NR6A1: variants seen among roughly 807,000 people sequenced by gnomAD.
The protein encoded by NR6A1 is retinoic acid receptor-related testis-associated receptor.
NR6A1 carries 7 observed loss-of-function variants against 59.1 expected under a neutral mutation model. That is an observed-to-expected ratio of 0.12 (90% CI 0.07 to 0.22). NR6A1 has a LOEUF of 0.22. NR6A1 is among the 10% of genes least tolerant of loss of function. NR6A1 has a pLI of 1.00. For missense variants in NR6A1, 468 were observed against 611.6 expected (o/e 0.77, Z 2.48); for synonymous variants, 243 against 236.1 (o/e 1.03, Z -0.27).
At chr9:124,683,526 G>T (rs1427270298) in intron 2 of NR6A1, among the ~76,000 whole-genome samples, 1 of 152,216 alleles carries the variant, frequency 6.6e-6, no homozygotes, top group Non-Finnish European at 1.5e-5. Flanking sequence ...GGGTGTGGTG[G>T]CTCATGCCTG....
At position 124,600,662 on chromosome 9, in the gene NR6A1, A is replaced by G. The variant is rs569398829; in HGVS notation, c.143-46092T>C. Among the ~76,000 whole-genome samples the G allele has an allele frequency of 6.0e-4, 91 of 152,258 alleles. 1 individual carries two copies. In the South Asian group the frequency reaches 0.018, roughly 31 times the overall value. ...TTCTCACCACTCCATACTAACTCACAAGCAGTGCACATACACTAAACAGAT... is the reference window on the plus strand; with the variant it reads ...TTCTCACCACTCCATACTAACTCACGAGCAGTGCACATACACTAAACAGAT... On this transcript the variant is annotated intron_variant, in intron 2 of 9. Coordinates refer to ENST00000487099, the MANE Select transcript of NR6A1 (RefSeq NM_033334.4).
intron 2 of NR6A1, among the ~76,000 whole-genome samples, chr9:124,727,464 A>G (rs1839755031): frequency 6.6e-6 from 1 of 152,226 alleles, no homozygotes; most frequent in East Asian, 1.9e-4. Context: ...TTATTGTATT[A>G]TAACTAGCAT....
chr9:124,630,338 CCTGAGTAGCTAGTAG>C (rs757959389), intron 2 of NR6A1, among the ~76,000 whole-genome samples: 7 of 151,152 alleles, frequency 4.6e-5, no homozygotes, highest in East Asian at 2.0e-4. Context: ...GTCTCAGCCT[CCTGAGTAGCTAGTAG>C]CTGAGTAGCT....
At chr9:124,633,948 T>A (rs1041206032) in intron 2 of NR6A1, among the ~76,000 whole-genome samples, 10 of 152,256 alleles carry the variant, frequency 6.6e-5, no homozygotes, top group African/African-American at 2.4e-4. Context: ...CAATGTACTG[T>A]TAAAGGAACA....
intron 2 of NR6A1, among the ~76,000 whole-genome samples, chr9:124,557,710 G>C (rs1833969989): frequency 6.6e-6 from 1 of 152,128 alleles, no homozygotes; most frequent in African/African-American, 2.4e-5. Context: ...TTTGAGATGG[G>C]ATTTCCTAGA....
At chr9:124,727,443 TA>T (rs1839754386) in intron 2 of NR6A1, among the ~76,000 whole-genome samples, 1 of 152,232 alleles carries the variant, frequency 6.6e-6, no homozygotes, top group Non-Finnish European at 1.5e-5. Context: ...GGAAGATTTT[TA>T]AACTTTTTAT....
chr9:124,719,567 A>C (rs4607722), intron 2 of NR6A1, among the ~76,000 whole-genome samples: 287 of 152,300 alleles, frequency 1.9e-3, no homozygotes, highest in African/African-American at 6.3e-3. Flanking sequence ...CAGGAAACGT[A>C]AATGGGTAAA....
chr9:124,564,449 G>A (rs539140374), intron 2 of NR6A1, among the ~76,000 whole-genome samples: 1 of 152,116 alleles, frequency 6.6e-6, no homozygotes, highest in Non-Finnish European at 1.5e-5. Context: ...AATTTTAAAA[G>A]ATGCCGTTTA....
At chr9:124,759,493 C>A (rs1015040665) in intron 1 of NR6A1, among the ~76,000 whole-genome samples, 12 of 152,198 alleles carry the variant, frequency 7.9e-5, no homozygotes, top group African/African-American at 2.7e-4. Flanking sequence ...ACATTCCTTT[C>A]CCTTATATTT....
intron 2 of NR6A1, among the ~76,000 whole-genome samples, chr9:124,602,475 G>C (rs1380257658): frequency 6.6e-6 from 1 of 152,222 alleles, no homozygotes; most frequent in Middle Eastern, 3.2e-3. Context: ...AGTAAAAAAA[G>C]ATCAAAGTTG....
chr9:124,671,421 C>T (rs1837792239), intron 2 of NR6A1, among the ~76,000 whole-genome samples: 1 of 152,152 alleles, frequency 6.6e-6, no homozygotes, highest in Non-Finnish European at 1.5e-5. Context: ...TAAGGTTTCA[C>T]ACGACCCCAA....
In NR6A1 at chr9:124,733,323, G is replaced by A; in HGVS notation, c.127C>T (p.Leu43Phe). ...GAGAACTTACTAGTGCCTGGGTCAA[G>A]CTCTGCCAATTCATCCTGACAGAAA... ...NGFCQDELAELDPGTISVSDD... is the reference protein window; with the variant it reads ...NGFCQDELAEFDPGTISVSDD... The change falls in exon 2 of 10, where the codon CTT becomes TTT. Residue 43 changes from leucine (L) to phenylalanine (F), a missense_variant. By Grantham distance (22) the Leu-to-Phe change is conservative. Coordinates refer to ENST00000487099, the MANE Select transcript of NR6A1 (RefSeq NM_033334.4). 6.2e-7 allele frequency: 1 copy of A among 1,612,930 alleles called. No individual in the cohort carries two copies. Among genetic ancestry groups the A allele is most frequent in the Non-Finnish European group, 8.5e-7 (1 of 1,179,014 alleles).
At chr9:124,703,260 T>C (rs553414318) in intron 2 of NR6A1, among the ~76,000 whole-genome samples, 28 of 145,562 alleles carry the variant, frequency 1.9e-4, no homozygotes, top group Non-Finnish European at 1.5e-5. Context: ...TCACCCAGCC[T>C]GGAGTATAGT....
chr9:124,712,694 C>T (rs1839313389), intron 2 of NR6A1, among the ~76,000 whole-genome samples: 1 of 151,994 alleles, frequency 6.6e-6, no homozygotes, highest in South Asian at 2.1e-4. Context: ...CACAAAAATC[C>T]ATTAACAAAA....
intron 2 of NR6A1, among the ~76,000 whole-genome samples, chr9:124,609,622 A>G (rs572535925): frequency 6.6e-6 from 1 of 152,270 alleles, no homozygotes; most frequent in African/African-American, 2.4e-5. Flanking sequence ...GAATTTTAAA[A>G]TAGTTTTTCC....
chr9:124,653,538 G>A, intron 2 of NR6A1, among the ~76,000 whole-genome samples: 1 of 152,090 alleles, frequency 6.6e-6, no homozygotes, highest in East Asian at 1.9e-4. Flanking sequence ...ACCCTCACAA[G>A]TAACTAGAAC....
chr9:124,614,516 AAT>A (rs1372535288), intron 2 of NR6A1, among the ~76,000 whole-genome samples: 1 of 152,180 alleles, frequency 6.6e-6, no homozygotes, highest in East Asian at 1.9e-4. Flanking sequence ...TCAATCTATA[AAT>A]GATAGAATCT....
At chr9:124,575,723 T>C (rs1834570467) in intron 2 of NR6A1, among the ~76,000 whole-genome samples, 1 of 148,934 alleles carries the variant, frequency 6.7e-6, no homozygotes, top group African/African-American at 2.6e-5. Flanking sequence ...AGTACTTTTA[T>C]CACATCGTAA....
chr9:124,663,191 C>G lies in NR6A1; in HGVS notation c.142+70117G>C, dbSNP rs954498169. ...CTGTGAACTTGGTTTATGGTCAAGACCGAGTGCAACAAATGGTACTACCCA... is the reference window on the plus strand; with the variant it reads ...CTGTGAACTTGGTTTATGGTCAAGAGCGAGTGCAACAAATGGTACTACCCA... On this transcript the variant is annotated intron_variant, in intron 2 of 9. Coordinates refer to ENST00000487099, the MANE Select transcript of NR6A1 (RefSeq NM_033334.4). Among the ~76,000 whole-genome samples, 4 of 152,198 alleles carry G rather than the reference C, an allele frequency of 2.6e-5. No individual in the cohort carries two copies. In the East Asian group the frequency reaches 7.7e-4, roughly 29 times the overall value.
Sources: allele counts gnomAD v4.1 joint callset (sites outside exome capture counted in the v4.1 genomes callset), GRCh38; gene constraint gnomAD v4.1.1; transcripts MANE v1.5; gene names NCBI Gene and HGNC (gene_info 2026-07-23, HGNC 2026-07-21).